The following ATRNL1 variants were observed in gnomAD, a reference collection of about 807,000 sequenced individuals.
ATRNL1 encodes the protein attractin like 1.
Under a neutral mutation model 182.7 loss-of-function variants are expected in ATRNL1, and 95 were observed. That is an observed-to-expected ratio of 0.52 (90% CI 0.44 to 0.62). ATRNL1 has a LOEUF of 0.62. ATRNL1 is among the 20% of genes least tolerant of loss of function. The probability of loss-of-function intolerance (pLI) is 0.00; values close to 1 mark genes in which losing one functional copy is unlikely to be tolerated. For synonymous variants in ATRNL1, 576 were observed against 568.3 expected (o/e 1.01, Z -0.19); for missense variants, 1,471 against 1,679.5 (o/e 0.88, Z 2.17).
chr10:115,780,812 G>C (rs181516463), intron 27 of ATRNL1, among the ~76,000 whole-genome samples: 1 of 152,286 alleles, frequency 6.6e-6, no homozygotes, highest in Non-Finnish European at 1.5e-5. Context: ...CAGTGATGCT[G>C]TGGGCTTTGG....
intron 26 of ATRNL1, among the ~76,000 whole-genome samples, chr10:115,567,005 A>C (rs1227414464): frequency 3.3e-5 from 5 of 152,162 alleles, no homozygotes; most frequent in African/African-American, 7.2e-5. Flanking sequence ...AGGCATGGTA[A>C]ATGATATACC....
chr10:115,705,581 A>T (rs1193866071), intron 26 of ATRNL1, among the ~76,000 whole-genome samples: 1 of 151,910 alleles, frequency 6.6e-6, no homozygotes, highest in Admixed American at 6.6e-5. Context: ...ATATGCATGT[A>T]CTATAAGATT....
intron 9 of ATRNL1, among the ~76,000 whole-genome samples, chr10:115,217,252 C>G (rs1356939806): frequency 6.6e-6 from 1 of 152,080 alleles, no homozygotes; most frequent in Non-Finnish European, 1.5e-5. Context: ...CCATGCCCGG[C>G]TAATTTTTTA....
intron 27 of ATRNL1, among the ~76,000 whole-genome samples, chr10:115,806,502 A>G (rs577008263): frequency 3.6e-4 from 55 of 152,310 alleles, no homozygotes; most frequent in African/African-American, 1.3e-3. Context: ...GTTGCAAGTC[A>G]CTAAAATTCA....
At chr10:115,833,835 A>T (rs1264073386) in intron 27 of ATRNL1, among the ~76,000 whole-genome samples, 1 of 152,180 alleles carries the variant, frequency 6.6e-6, no homozygotes, top group Admixed American at 6.6e-5. Flanking sequence ...CTGTGTTCTA[A>T]TTCTTTTGAA....
intron 28 of ATRNL1, among the ~76,000 whole-genome samples, chr10:115,915,207 C>T (rs896161359): frequency 3.3e-5 from 5 of 151,936 alleles, no homozygotes; most frequent in East Asian, 1.9e-4. Context: ...ATCATCCTGG[C>T]GAACACTGTG....
At chr10:115,618,179 AGGTAT>A (rs1464434375) in intron 26 of ATRNL1, among the ~76,000 whole-genome samples, 2 of 152,138 alleles carry the variant, frequency 1.3e-5, no homozygotes, top group Non-Finnish European at 2.9e-5. Context: ...ACCTAGTCTC[AGGTAT>A]TTCTTTAGAG....
At position 115,113,533 on chromosome 10, in the gene ATRNL1, C is replaced by T. The variant is rs374796045; in HGVS notation, c.294-6652C>T. ...AATTGAATCATGGGGCCAAGTCTTT[C>T]CCATGCTGTTCTCATGATAGTGAAT... is the stretch of plus-strand genomic sequence containing the variant. On this transcript the variant is annotated intron_variant, in intron 1 of 28. Transcript: ENST00000355044. 1.3e-3 allele frequency among the ~76,000 whole-genome samples: 195 copies of T among 152,156 alleles called. 2 individuals are homozygous for T. The highest frequency in any genetic ancestry group is 3.9e-3 in the African/African-American group (163 of 41,512).
At chr10:115,934,221 A>G (rs1555122339) in intron 28 of ATRNL1, among the ~76,000 whole-genome samples, 3 of 152,124 alleles carry the variant, frequency 2.0e-5, no homozygotes, top group African/African-American at 4.8e-5. Context: ...CCTGCCACCA[A>G]TCAGGAACAC....
chr10:115,312,345 A>G (rs1291611460), intron 17 of ATRNL1, among the ~76,000 whole-genome samples: 4 of 152,086 alleles, frequency 2.6e-5, no homozygotes, highest in African/African-American at 9.7e-5. Context: ...AAAGGACTTT[A>G]TTTCTCCTTC....
intron 11 of ATRNL1, among the ~76,000 whole-genome samples, chr10:115,266,524 A>G (rs1274521815): frequency 1.3e-5 from 2 of 151,582 alleles, no homozygotes; most frequent in Non-Finnish European, 3.0e-5. Context: ...ACAATAAAAC[A>G]TGTTTTGAAG....
chr10:115,230,538 G>C (rs1412043922), intron 9 of ATRNL1, among the ~76,000 whole-genome samples: 1 of 152,094 alleles, frequency 6.6e-6, no homozygotes, highest in Non-Finnish European at 1.5e-5. Flanking sequence ...GAAATAACTG[G>C]AAACCCAGTC....
intron 25 of ATRNL1, among the ~76,000 whole-genome samples, chr10:115,548,231 C>T (rs1302631123): frequency 6.6e-6 from 1 of 152,190 alleles, no homozygotes; most frequent in East Asian, 1.9e-4. Context: ...ATCGATGTGA[C>T]GTACTAGCAC....
At chr10:115,420,651 A>G (rs941285776) in intron 20 of ATRNL1, among the ~76,000 whole-genome samples, 1 of 152,156 alleles carries the variant, frequency 6.6e-6, no homozygotes, top group East Asian at 1.9e-4. Context: ...TCAAAGACCT[A>G]GAAAACAAGA....
chr10:115,732,770 G>C (rs1324118461), intron 27 of ATRNL1, among the ~76,000 whole-genome samples: 1 of 151,996 alleles, frequency 6.6e-6, no homozygotes, highest in Non-Finnish European at 1.5e-5. Context: ...CGTTCAAATT[G>C]AGAAGACATC....
At chr10:115,455,915 C>A (rs929307116) in intron 21 of ATRNL1, among the ~76,000 whole-genome samples, 3 of 152,010 alleles carry the variant, frequency 2.0e-5, no homozygotes, top group African/African-American at 7.3e-5. Flanking sequence ...TAGAGAAATG[C>A]AAATCAAAAC....
At chr10:115,667,785 T>C (rs1215190481) in intron 26 of ATRNL1, among the ~76,000 whole-genome samples, 2 of 151,964 alleles carry the variant, frequency 1.3e-5, no homozygotes, top group African/African-American at 4.8e-5. Context: ...GCCTCCCCAG[T>C]AGCTGGGACT....
At chr10:115,786,940 T>G (rs1399118084) in intron 27 of ATRNL1, among the ~76,000 whole-genome samples, 2 of 152,222 alleles carry the variant, frequency 1.3e-5, no homozygotes, top group Non-Finnish European at 2.9e-5. Context: ...TCAGAAACAG[T>G]AAAACATTGT....
intron 27 of ATRNL1, among the ~76,000 whole-genome samples, chr10:115,757,987 G>A (rs1011904951): frequency 4.0e-5 from 6 of 151,668 alleles, no homozygotes; most frequent in East Asian, 3.9e-4. Context: ...CGAAGTTCTC[G>A]TGCTGTGATT....
Sources: gnomAD v4.1 joint callset for allele counts (sites outside exome capture counted in the v4.1 genomes callset) on GRCh38, gnomAD v4.1.1 for gene constraint, MANE v1.5 for transcripts, NCBI Gene and HGNC (gene_info 2026-07-23, HGNC 2026-07-21) for gene names.